Variants in MACROD2 observed in about 807,000 individuals in gnomAD.
MACROD2 encodes ADP-ribose glycohydrolase MACROD2.
Under a neutral mutation model 70.4 loss-of-function variants are expected in MACROD2, and 36 were observed. That is an observed-to-expected ratio of 0.51 (90% CI 0.39 to 0.68). MACROD2 has a LOEUF of 0.68. Ranked by LOEUF, MACROD2 falls within the 30% of genes least tolerant of loss-of-function variation. MACROD2 has a pLI of 0.00. For synonymous variants in MACROD2, 172 were observed against 178.8 expected, an observed-to-expected ratio of 0.96 and a Z score of 0.30; for missense variants, 496 against 538.4, an observed-to-expected ratio of 0.92 and a Z score of 0.78.
rs182699661 is a variant in MACROD2 at position 14,296,241 on chromosome 20, C to T, written c.272-197238C>T. 7.8e-4 allele frequency among the ~76,000 whole-genome samples: 119 copies of T among 151,980 alleles called. 4 individuals carry two copies. Among genetic ancestry groups the T allele is most frequent in the African/African-American group, 2.7e-3 (111 of 41,306 alleles). ...CAATGACCTTGGGAAAATTCGATATCATCTGCTACATGTGAAGATATGAAT... is the reference window on the plus strand; with the variant it reads ...CAATGACCTTGGGAAAATTCGATATTATCTGCTACATGTGAAGATATGAAT... On this transcript the variant is annotated intron_variant, in intron 3 of 17. Transcript: ENST00000684519.
intron 5 of MACROD2, among the ~76,000 whole-genome samples, chr20:14,694,671 A>G (rs1410488898): frequency 6.6e-6 from 1 of 152,184 alleles, no homozygotes; most frequent in Non-Finnish European, 1.5e-5. Context: ...AATAAACTTT[A>G]TGACAATAAT....
intron 4 of MACROD2, among the ~76,000 whole-genome samples, chr20:14,625,225 G>T (rs1378178914): frequency 6.6e-6 from 1 of 152,022 alleles, no homozygotes; most frequent in Admixed American, 6.6e-5. Flanking sequence ...TACTCGAGAG[G>T]CTCAGGCAGG....
At chr20:15,713,993 A>ACG (rs146331658) in intron 8 of MACROD2, among the ~76,000 whole-genome samples, 11,926 of 125,552 alleles carry the variant, frequency 0.095, 572 homozygotes, top group Admixed American at 0.13. Context: ...ATATGCACAC[A>ACG]CACACACACA....
At chr20:14,701,690 A>G in intron 5 of MACROD2, among the ~76,000 whole-genome samples, 1 of 152,256 alleles carries the variant, frequency 6.6e-6, no homozygotes, top group Admixed American at 6.5e-5. Flanking sequence ...TTCCCTTCGT[A>G]TAATTAATTA....
chr20:14,783,614 G>C (rs2072328786), intron 5 of MACROD2, among the ~76,000 whole-genome samples: 1 of 152,020 alleles, frequency 6.6e-6, no homozygotes, highest in Non-Finnish European at 1.5e-5. Context: ...CACCTGTACT[G>C]GTAGTCTTCA....
At chr20:15,120,439 C>T (rs962332932) in intron 5 of MACROD2, among the ~76,000 whole-genome samples, 13 of 152,128 alleles carry the variant, frequency 8.5e-5, no homozygotes, top group African/African-American at 3.1e-4. Flanking sequence ...AGACTCTTCT[C>T]CCCTACTTTA....
intron 5 of MACROD2, among the ~76,000 whole-genome samples, chr20:15,136,356 A>T (rs1416662838): frequency 6.6e-6 from 1 of 151,894 alleles, no homozygotes. Context: ...ACTGGTACCA[A>T]AACAGACATA....
At chr20:15,282,838 G>A (rs755851830) in intron 6 of MACROD2, among the ~76,000 whole-genome samples, 17 of 152,068 alleles carry the variant, frequency 1.1e-4, no homozygotes, top group Admixed American at 4.6e-4. Flanking sequence ...CCCACTCTCA[G>A]TACCAATTAA....
intron 5 of MACROD2, among the ~76,000 whole-genome samples, chr20:14,829,487 T>G (rs2072940385): frequency 6.6e-6 from 1 of 152,058 alleles, no homozygotes. Context: ...AGGCAGTGTA[T>G]TCAGGCAGCT....
chr20:14,805,379 T>G (rs928862213), intron 5 of MACROD2, among the ~76,000 whole-genome samples: 1 of 152,088 alleles, frequency 6.6e-6, no homozygotes, highest in African/African-American at 2.4e-5. Flanking sequence ...TTTACTTATT[T>G]TCTTTTTTAC....
At chr20:15,665,390 A>T (rs867532120) in intron 8 of MACROD2, among the ~76,000 whole-genome samples, 2 of 152,182 alleles carry the variant, frequency 1.3e-5, no homozygotes, top group African/African-American at 4.8e-5. Context: ...TAATAAGAGG[A>T]TATAACTCAC....
At chr20:14,418,071 C>T (rs1034461400) in intron 3 of MACROD2, among the ~76,000 whole-genome samples, 1 of 152,012 alleles carries the variant, frequency 6.6e-6, no homozygotes, top group Non-Finnish European at 1.5e-5. Flanking sequence ...AATGAAGACT[C>T]TGTCTCTTAA....
chr20:14,644,940 A>G (rs1037734908), intron 4 of MACROD2, among the ~76,000 whole-genome samples: 1 of 152,164 alleles, frequency 6.6e-6, no homozygotes. Flanking sequence ...AAATAATATG[A>G]TGACTACAGG....
chr20:14,296,981 T>G (rs1010287320), intron 3 of MACROD2, among the ~76,000 whole-genome samples: 1 of 151,894 alleles, frequency 6.6e-6, no homozygotes, highest in African/African-American at 2.4e-5. Flanking sequence ...ATTTTGGTAA[T>G]TCTCACAATA....
At chr20:14,499,801 CTCCT>C (rs1303120414) in intron 4 of MACROD2, among the ~76,000 whole-genome samples, 1 of 152,014 alleles carries the variant, frequency 6.6e-6, no homozygotes, top group South Asian at 2.1e-4. Flanking sequence ...CCCTGTTTCC[CTCCT>C]TCCTTCCTTC....
intron 5 of MACROD2, among the ~76,000 whole-genome samples, chr20:15,134,902 A>G (rs2076134914): frequency 6.6e-6 from 1 of 152,160 alleles, no homozygotes; most frequent in Non-Finnish European, 1.5e-5. Flanking sequence ...ATCCCACAGA[A>G]ATACAAACTA....
intron 8 of MACROD2, among the ~76,000 whole-genome samples, chr20:15,648,700 A>ATGGATGGG (rs1296663509): frequency 2.0e-5 from 3 of 151,672 alleles, no homozygotes; most frequent in Non-Finnish European, 4.4e-5. Flanking sequence ...GAACAGGTAG[A>ATGGATGGG]TGGATGGGTG....
intron 5 of MACROD2, among the ~76,000 whole-genome samples, chr20:15,192,512 C>G (rs1310357629): frequency 6.6e-6 from 1 of 152,110 alleles, no homozygotes; most frequent in Admixed American, 6.6e-5. Context: ...GTGCTCCTAC[C>G]AGCACCACCT....
intron 5 of MACROD2, among the ~76,000 whole-genome samples, chr20:14,891,973 A>T (rs1000067628): frequency 6.6e-6 from 1 of 150,702 alleles, no homozygotes; most frequent in African/African-American, 2.5e-5. Context: ...TTATATTATG[A>T]AAAACTTTGA....
Sources: allele counts gnomAD v4.1 joint callset (sites outside exome capture counted in the v4.1 genomes callset), GRCh38; gene constraint gnomAD v4.1.1; transcripts MANE v1.5; gene names NCBI Gene and HGNC (gene_info 2026-07-23, HGNC 2026-07-21).